The following DPH6 variants were observed in gnomAD, a reference collection of about 807,000 sequenced individuals.
DPH6 encodes diphthine--ammonia ligase.
DPH6 carries 33 observed loss-of-function variants against 38.2 expected under a neutral mutation model. The observed-to-expected ratio is 0.86, with a 90% CI of 0.65 to 1.15. The LOEUF is 1.15. Ranked by LOEUF, DPH6 falls within the 50% of genes most tolerant of loss-of-function variation. The pLI, the probability that DPH6 is intolerant of heterozygous loss-of-function variation, is 0.00. For missense variants in DPH6, 325 were observed against 320.0 expected (o/e 1.02, Z -0.12); for synonymous variants, 108 against 103.0 (o/e 1.05, Z -0.30).
chr15:35,404,723 C>G (rs1412186450), intron 6 of DPH6, among the ~76,000 whole-genome samples: 1 of 152,080 alleles, frequency 6.6e-6, no homozygotes, highest in Non-Finnish European at 1.5e-5. Flanking sequence ...AGCTTTTTAA[C>G]TTGATGCAAT....
At chr15:35,431,857 G>C (rs2053636431) in intron 5 of DPH6, among the ~76,000 whole-genome samples, 1 of 151,830 alleles carries the variant, frequency 6.6e-6, no homozygotes, top group Admixed American at 6.6e-5. Context: ...GCGCAATCTC[G>C]GCTCACTGCA....
chr15:35,450,457 A>T (rs764945616), intron 5 of DPH6, among the ~76,000 whole-genome samples: 2 of 120,536 alleles, frequency 1.7e-5, no homozygotes, highest in Non-Finnish European at 3.3e-5. Context: ...GTTATATGTT[A>T]AAAAAAAAAA....
At chr15:35,416,958 G>A (rs2053444116) in intron 5 of DPH6, among the ~76,000 whole-genome samples, 1 of 152,030 alleles carries the variant, frequency 6.6e-6, no homozygotes, top group Admixed American at 6.6e-5. Flanking sequence ...TGTTAGGGAT[G>A]TTGTAGGAAG....
At chr15:35,216,539 T>C (rs2051411584), downstream of DPH6, among the ~76,000 whole-genome samples, 1 of 151,866 alleles carries the variant, frequency 6.6e-6, no homozygotes, top group Admixed American at 6.6e-5. Flanking sequence ...GTAAAGAGAT[T>C]AATGAGTTCT....
In DPH6 at chr15:35,349,526, T is replaced by TTC. The variant is rs1253957107; in HGVS notation, n.208-18451_208-18450dup. Among the ~76,000 whole-genome samples the TTC allele has an allele frequency of 2.6e-5, 4 of 152,176 alleles. No homozygotes were observed. The East Asian group carries it at 7.7e-4, about 29-fold the overall frequency. ...ATTTCGGCTTACTGCAACCTCTGCC[T>TTC]TCTGGGTTCAAGCAATTCTTGTGCC... On this transcript the variant is annotated intron_variant and non_coding_transcript_variant, in intron 3 of 3. Transcript: ENST00000558973.
intron 3 of DPH6, among the ~76,000 whole-genome samples, chr15:35,346,613 C>A (rs2052463871): frequency 6.6e-6 from 1 of 151,846 alleles, no homozygotes; most frequent in Admixed American, 6.6e-5. Context: ...TGTTTATATT[C>A]GACTTAATTT....
At chr15:35,299,423 C>A in intron 3 of DPH6, 1 of 786,352 alleles carries the variant, frequency 1.3e-6, no homozygotes, top group South Asian at 1.3e-5. Flanking sequence ...CTGGTTTCCT[C>A]TGATCGTACA....
rs74010331 is a variant in DPH6, at chr15:35,539,828, G to A, written c.119-1361C>T. Among the ~76,000 whole-genome samples the A allele has an allele frequency of 9.0e-3, 1,364 of 152,042 alleles. 23 individuals are homozygous for A. Among genetic ancestry groups the A allele is most frequent in the African/African-American group, 0.031 (1,287 of 41,500 alleles). ...TCAACAATCAAAATCATCAAAATCT[G>A]CTACCCCATTTTGGCTGACAGGTTT... is the stretch of plus-strand genomic sequence containing the variant. On this transcript the variant is annotated intron_variant, in intron 2 of 8. Coordinates refer to ENST00000256538, the MANE Select transcript of DPH6 (RefSeq NM_080650.4).
intron 3 of DPH6, among the ~76,000 whole-genome samples, chr15:35,274,463 A>G (rs1473238820): frequency 3.3e-5 from 5 of 152,210 alleles, no homozygotes; most frequent in African/African-American, 9.6e-5. Flanking sequence ...CAGGCAACCT[A>G]AAGAATGGCA....
At chr15:35,390,611 C>A (rs1216347888) in intron 6 of DPH6, among the ~76,000 whole-genome samples, 1 of 152,174 alleles carries the variant, frequency 6.6e-6, no homozygotes, top group East Asian at 1.9e-4. Context: ...ATCGCTGATA[C>A]CTTTTCTTCC....
chr15:35,508,950 T>C (rs1270287457), intron 3 of DPH6, among the ~76,000 whole-genome samples: 4 of 152,188 alleles, frequency 2.6e-5, no homozygotes, highest in African/African-American at 9.6e-5. Flanking sequence ...TCTACTTCCT[T>C]TCATTTTAAA....
At chr15:35,496,492 T>C (rs1316348954) in intron 3 of DPH6, among the ~76,000 whole-genome samples, 3 of 141,044 alleles carry the variant, frequency 2.1e-5, no homozygotes, top group Non-Finnish European at 4.6e-5. Context: ...GAGGCGGAGG[T>C]TGCAGTGAGC....
chr15:35,322,856 A>T lies in DPH6; in HGVS notation n.200+50665T>A, dbSNP rs556085383. On this transcript the variant is annotated intron_variant and non_coding_transcript_variant, in intron 3 of 3. Transcript: ENST00000560386. ...ACATTTCCTGGATTGGTAGGAAACT[A>T]CTTGATCATCAGCTTGTTCTTATAT... is the stretch of plus-strand genomic sequence containing the variant. 5.3e-4 allele frequency among the ~76,000 whole-genome samples: 81 copies of T among 152,246 alleles called. 1 individual carries two copies. Among genetic ancestry groups the T allele is most frequent in the African/African-American group, 1.9e-3 (80 of 41,556 alleles).
chr15:35,177,926 G>C, the DPH6 span, among the ~76,000 whole-genome samples: 2 of 149,484 alleles, frequency 1.3e-5, no homozygotes, highest in African/African-American at 4.9e-5. Context: ...TGGACAACAA[G>C]AGCAAAACTC....
intron 3 of DPH6, among the ~76,000 whole-genome samples, chr15:35,257,634 TA>T (rs541775991): frequency 1.3e-5 from 2 of 152,126 alleles, no homozygotes; most frequent in African/African-American, 2.4e-5. Context: ...CTGTAGGAGA[TA>T]AAATCTTAGA....
chr15:35,540,936 T>C (rs1241222449), intron 2 of DPH6, among the ~76,000 whole-genome samples: 1 of 152,014 alleles, frequency 6.6e-6, no homozygotes, highest in Non-Finnish European at 1.5e-5. Flanking sequence ...CCCAGTTGCC[T>C]CCCCCTGGCC....
intron 3 of DPH6, among the ~76,000 whole-genome samples, chr15:35,254,108 A>G (rs2140411763): frequency 6.6e-6 from 1 of 152,332 alleles, no homozygotes; most frequent in South Asian, 2.1e-4. Context: ...TTAAGGCACT[A>G]TTTTAGGTTA....
At chr15:35,261,379 T>C (rs185389162) in intron 3 of DPH6, among the ~76,000 whole-genome samples, 2 of 152,346 alleles carry the variant, frequency 1.3e-5, no homozygotes, top group African/African-American at 4.8e-5. Flanking sequence ...CCTTCTTCCT[T>C]CTCTTGAAGA....
At chr15:35,218,838 A>G (rs758650518) in exon 4 of DPH6, 22 of 152,112 alleles carry the variant, frequency 1.4e-4, no homozygotes, top group Non-Finnish European at 7.4e-5. Context: ...ACCTGATATG[A>G]TCACAGAATT....
Sources: allele counts gnomAD v4.1 joint callset (sites outside exome capture counted in the v4.1 genomes callset), GRCh38; gene constraint gnomAD v4.1.1; transcripts MANE v1.5; gene names NCBI Gene and HGNC (gene_info 2026-07-23, HGNC 2026-07-21).